WDR7: variants seen among roughly 807,000 people sequenced by gnomAD.
WDR7 encodes the protein WD repeat domain 7, also known as WD repeat-containing protein 7.
A neutral mutation model predicts 169.4 loss-of-function variants in WDR7; 46 were observed. The observed-to-expected ratio is 0.27, with a 90% CI of 0.21 to 0.35. The LOEUF is 0.35. Among genes scored for constraint, WDR7 ranks in the 10% least tolerant of loss-of-function variants. The probability of loss-of-function intolerance (pLI) is 1.00; values close to 1 mark genes in which losing one functional copy is unlikely to be tolerated. For missense variants in WDR7, 1,534 were observed against 1,859.3 expected (o/e 0.83, Z 3.22); for synonymous variants, 612 against 666.8 (o/e 0.92, Z 1.27).
At chr18:56,845,843 A>T (rs1263062045) in intron 20 of WDR7, among the ~76,000 whole-genome samples, 1 of 152,210 alleles carries the variant, frequency 6.6e-6, no homozygotes, top group Non-Finnish European at 1.5e-5. Context: ...CAATTGTTTT[A>T]TTATTAGTCC....
intron 27 of WDR7, 29 bp downstream of exon 27, chr18:57,020,878 G>A (rs1040433150): frequency 1.2e-6 from 2 of 1,602,668 alleles, no homozygotes; most frequent in Middle Eastern, 3.3e-4. Context: ...GGGTCTTAAA[G>A]CATATACTGC....
chr18:56,950,813 C>G (rs1439828778), intron 25 of WDR7, among the ~76,000 whole-genome samples: 1 of 152,154 alleles, frequency 6.6e-6, no homozygotes, highest in Non-Finnish European at 1.5e-5. Flanking sequence ...AAGGGGACCT[C>G]CTTAAGGAAC....
At chr18:56,937,501 C>T (rs2145694280) in intron 23 of WDR7, among the ~76,000 whole-genome samples, 1 of 152,140 alleles carries the variant, frequency 6.6e-6, no homozygotes, top group Admixed American at 6.5e-5. Context: ...TGACCTCTAC[C>T]CCGTTTCTAT....
At chr18:56,754,011 T>C (rs1197351481) in intron 14 of WDR7, among the ~76,000 whole-genome samples, 1 of 152,002 alleles carries the variant, frequency 6.6e-6, no homozygotes, top group Non-Finnish European at 1.5e-5. Context: ...CTAAGAAATA[T>C]ATAGCAATAC....
intron 26 of WDR7, among the ~76,000 whole-genome samples, chr18:56,983,576 G>A (rs1329324494): frequency 3.2e-5 from 1 of 31,280 alleles, no homozygotes; most frequent in Non-Finnish European, 8.9e-5. Flanking sequence ...CACACAGAGA[G>A]AGAGAGAGAG....
At chr18:56,755,654 C>T (rs2043874025) in intron 14 of WDR7, among the ~76,000 whole-genome samples, 1 of 152,176 alleles carries the variant, frequency 6.6e-6, no homozygotes, top group Admixed American at 6.5e-5. Flanking sequence ...AGGATTGAAA[C>T]TCCTTTAGGA....
At chr18:56,903,391 T>A (rs1212841773) in intron 21 of WDR7, among the ~76,000 whole-genome samples, 1 of 152,066 alleles carries the variant, frequency 6.6e-6, no homozygotes, top group Non-Finnish European at 1.5e-5. Flanking sequence ...TTGGTATATT[T>A]GTTTTTCATT....
downstream of WDR7, chr18:57,030,106 G>T (rs1349482121): frequency 6.6e-6 from 1 of 152,200 alleles, no homozygotes; most frequent in Non-Finnish European, 1.5e-5. Context: ...GGATGGCATG[G>T]GTTGGCTGCC....
intron 20 of WDR7, among the ~76,000 whole-genome samples, chr18:56,834,164 A>G (rs905416641): frequency 5.9e-5 from 9 of 152,224 alleles, no homozygotes; most frequent in Non-Finnish European, 1.2e-4. Context: ...AACAGCTTGC[A>G]TCTTTGAAGA....
chr18:56,699,204 T>C (rs1352684274), intron 12 of WDR7, among the ~76,000 whole-genome samples: 1 of 152,234 alleles, frequency 6.6e-6, no homozygotes, highest in Non-Finnish European at 1.5e-5. Context: ...GGTGGTTTTA[T>C]GCACATCAGC....
intron 21 of WDR7, among the ~76,000 whole-genome samples, chr18:56,880,500 G>C (rs2046092232): frequency 6.6e-6 from 1 of 152,178 alleles, no homozygotes; most frequent in Non-Finnish European, 1.5e-5. Context: ...TATGCAGTTT[G>C]TTCTGAATGT....
Position 56,682,707 on chromosome 18 carries a change from G to A in WDR7, c.374G>A (p.Arg125Gln), listed in dbSNP as rs139767150. Residue 125 changes from arginine (R) to glutamine (Q), a missense_variant, in exon 5 of 28, where the codon CGA (arginine) becomes CAA (glutamine). Physicochemically the swap from Arg to Gln is conservative, Grantham distance 43. Coordinates refer to ENST00000254442, the MANE Select transcript of WDR7 (RefSeq NM_015285.3). ...QFYQFSVGNQREGRLLCHGHY... is the reference protein window; with the variant it reads ...QFYQFSVGNQQEGRLLCHGHY... ...TACCAGTTCTCTGTTGGGAATCAGC[G>A]AGAAGGAAGGCTTTTATGCCACGGA... is the stretch of plus-strand genomic sequence containing the variant. 2.3e-5 allele frequency: 37 copies of A among 1,613,500 alleles called. No individual in the cohort carries two copies. The highest frequency in any genetic ancestry group is 1.2e-4 in the African/African-American group (9 of 75,004).
intron 14 of WDR7, among the ~76,000 whole-genome samples, chr18:56,744,171 G>A (rs944731023): frequency 2.0e-5 from 3 of 150,870 alleles, no homozygotes; most frequent in African/African-American, 7.3e-5. Context: ...CCCGGGAGGC[G>A]GAGCTTGCAG....
At chr18:56,896,306 T>A (rs2046332128) in intron 21 of WDR7, among the ~76,000 whole-genome samples, 1 of 151,824 alleles carries the variant, frequency 6.6e-6, no homozygotes, top group African/African-American at 2.4e-5. Flanking sequence ...TGAATATTTG[T>A]CATCGTTTTT....
intron 1 of WDR7, among the ~76,000 whole-genome samples, chr18:56,661,711 A>G (rs572968873): frequency 2.6e-5 from 4 of 152,298 alleles, no homozygotes; most frequent in African/African-American, 9.6e-5. Context: ...TGTGTCCCTT[A>G]CAGCCCTTAA....
chr18:56,887,779 A>T (rs866585551), intron 21 of WDR7, among the ~76,000 whole-genome samples: 6 of 152,070 alleles, frequency 3.9e-5, no homozygotes, highest in Middle Eastern at 3.4e-3. Context: ...ATTTAAATTT[A>T]TCAGTTTAAA....
At chr18:56,660,140 A>G (rs976578548) in intron 1 of WDR7, among the ~76,000 whole-genome samples, 2 of 152,224 alleles carry the variant, frequency 1.3e-5, no homozygotes, top group Non-Finnish European at 2.9e-5. Flanking sequence ...CTGTGTAGCT[A>G]TAAAACTGGA....
At chr18:56,844,704 G>C (rs2045542370) in intron 20 of WDR7, among the ~76,000 whole-genome samples, 1 of 152,190 alleles carries the variant, frequency 6.6e-6, no homozygotes, top group Non-Finnish European at 1.5e-5. Flanking sequence ...CTGTTCACTA[G>C]AAATGAATGA....
intron 20 of WDR7, among the ~76,000 whole-genome samples, chr18:56,849,941 T>C (rs2045617781): frequency 2.6e-5 from 4 of 152,206 alleles, no homozygotes; most frequent in Admixed American, 2.6e-4. Flanking sequence ...GTCTTATGTA[T>C]GATCTGCTCC....
Sources: allele counts gnomAD v4.1 joint callset (sites outside exome capture counted in the v4.1 genomes callset), GRCh38; gene constraint gnomAD v4.1.1; transcripts MANE v1.5; gene names NCBI Gene and HGNC (gene_info 2026-07-23, HGNC 2026-07-21).